Variants in ARHGAP32 observed in about 807,000 individuals in gnomAD.
ARHGAP32 encodes the protein rho GTPase-activating protein 32.
A neutral mutation model predicts 186.5 loss-of-function variants in ARHGAP32; 51 were observed. The ratio of observed to expected loss-of-function variants is 0.27; its 90% CI spans 0.22 to 0.35. The LOEUF (loss-of-function observed/expected upper bound fraction) is 0.35. Among genes scored for constraint, ARHGAP32 ranks in the 10% least tolerant of loss-of-function variants. The pLI, the probability that ARHGAP32 is intolerant of heterozygous loss-of-function variation, is 1.00. For missense variants in ARHGAP32, 2,186 were observed against 2,623.5 expected (o/e 0.83, Z 3.64); for synonymous variants, 950 against 964.3 (o/e 0.99, Z 0.27).
intron 1 of ARHGAP32, among the ~76,000 whole-genome samples, chr11:129,273,588 T>C (rs1336381176): frequency 6.6e-6 from 1 of 152,190 alleles, no homozygotes; most frequent in African/African-American, 2.4e-5. Context: ...TGGTCTGTGT[T>C]TGATATCCTG....
chr11:129,104,276 G>A (rs192513459), intron 5 of ARHGAP32, among the ~76,000 whole-genome samples: 173 of 152,026 alleles, frequency 1.1e-3, no homozygotes, highest in African/African-American at 3.6e-3. Flanking sequence ...TTTATAAATC[G>A]AAACAAATTT....
intron 5 of ARHGAP32, among the ~76,000 whole-genome samples, chr11:129,098,412 C>A (rs74725786): frequency 2.6e-5 from 4 of 151,564 alleles, no homozygotes; most frequent in Admixed American, 6.6e-5. Flanking sequence ...ATTTATTTTT[C>A]TTTTTCTTTT....
At chr11:129,161,984 T>C (rs1943539914) in intron 2 of ARHGAP32, among the ~76,000 whole-genome samples, 2 of 152,148 alleles carry the variant, frequency 1.3e-5, no homozygotes, top group Admixed American at 1.3e-4. Flanking sequence ...AGATGAGTTC[T>C]TGTCCTTTGC....
intron 1 of ARHGAP32, among the ~76,000 whole-genome samples, chr11:129,249,400 T>A (rs1184931216): frequency 6.6e-6 from 1 of 152,198 alleles, no homozygotes; most frequent in Non-Finnish European, 1.5e-5. Flanking sequence ...CGAAAGGATT[T>A]CGCATATCTA....
intron 1 of ARHGAP32, among the ~76,000 whole-genome samples, chr11:129,243,792 T>C (rs1945051345): frequency 6.6e-6 from 1 of 152,076 alleles, no homozygotes; most frequent in Non-Finnish European, 1.5e-5. Flanking sequence ...ATTCTACCAT[T>C]CAAAGCCCAG....
At chr11:129,081,437 G>C (rs1941216384) in intron 6 of ARHGAP32, among the ~76,000 whole-genome samples, 1 of 152,040 alleles carries the variant, frequency 6.6e-6, no homozygotes, top group Admixed American at 6.6e-5. Context: ...TTCATACCAG[G>C]AATGCAGGGG....
At chr11:129,212,030 C>G (rs888313713) in intron 1 of ARHGAP32, among the ~76,000 whole-genome samples, 2 of 152,002 alleles carry the variant, frequency 1.3e-5, no homozygotes, top group Non-Finnish European at 2.9e-5. Flanking sequence ...TGGTGCATGC[C>G]TGCAGTCCCA....
intron 1 of ARHGAP32, among the ~76,000 whole-genome samples, chr11:129,260,278 C>G (rs1338392118): frequency 3.3e-5 from 5 of 152,140 alleles, no homozygotes; most frequent in Non-Finnish European, 7.4e-5. Flanking sequence ...CAAATAACAT[C>G]ACTGGCGGCA....
At chr11:129,006,272 G>C (rs539922956) in intron 11 of ARHGAP32, among the ~76,000 whole-genome samples, 6 of 152,242 alleles carry the variant, frequency 3.9e-5, no homozygotes, top group Admixed American at 1.3e-4. Context: ...GGATGGTCTT[G>C]ATGCTTGTGG....
At chr11:129,110,089 T>C (rs146416529) in intron 5 of ARHGAP32, among the ~76,000 whole-genome samples, 30 of 152,300 alleles carry the variant, frequency 2.0e-4, no homozygotes, top group African/African-American at 6.3e-4. Context: ...TACATTTAAG[T>C]CCTGAATCCA....
At chr11:129,157,431 T>C (rs1256517559) in intron 2 of ARHGAP32, among the ~76,000 whole-genome samples, 1 of 151,792 alleles carries the variant, frequency 6.6e-6, no homozygotes, top group African/African-American at 2.4e-5. Context: ...ATCGTGAAGC[T>C]TACTCAAGTA....
chr11:129,272,053 C>T lies in ARHGAP32; in HGVS notation c.-5+7093G>A, dbSNP rs976021153. ...CATATGATGAGCTCAAATGATCAGG[C>T]TAAAGAATCACTGGTGAAGAAGAAG... is the stretch of plus-strand genomic sequence containing the variant. On this transcript the variant is annotated intron_variant, in intron 1 of 6. Coordinates refer to the ARHGAP32 transcript ENST00000525234. Among the ~76,000 whole-genome samples the T allele has an allele frequency of 2.6e-5, 4 of 152,016 alleles. No individual in the cohort carries two copies. The East Asian group carries it at 7.7e-4, about 29-fold the overall frequency.
intron 1 of ARHGAP32, among the ~76,000 whole-genome samples, chr11:129,178,901 A>G (rs1943983786): frequency 1.3e-5 from 2 of 152,172 alleles, no homozygotes; most frequent in African/African-American, 4.8e-5. Flanking sequence ...TTCATGTCTA[A>G]AACACCAAAA....
chr11:129,090,663 G>A (rs1365256429), intron 6 of ARHGAP32, among the ~76,000 whole-genome samples: 4 of 152,084 alleles, frequency 2.6e-5, no homozygotes. Flanking sequence ...CCACAGATGG[G>A]CTTAAATTTG....
chr11:129,244,780 T>C (rs1194838113), intron 1 of ARHGAP32, among the ~76,000 whole-genome samples: 2 of 152,094 alleles, frequency 1.3e-5, no homozygotes, highest in Non-Finnish European at 2.9e-5. Flanking sequence ...CATCAAAAAG[T>C]GGGCAAAGGA....
intron 1 of ARHGAP32, among the ~76,000 whole-genome samples, chr11:129,270,108 C>G (rs1331821762): frequency 6.7e-6 from 1 of 150,002 alleles, no homozygotes; most frequent in Non-Finnish European, 1.5e-5. Context: ...AACTTAGGAG[C>G]AACTAGGATG....
chr11:129,003,574 T>C lies in ARHGAP32; in HGVS notation c.1046-5106A>G, dbSNP rs183325399. ...TTGATCTCATTATTTGTTATTGGTC[T>C]GTTCAGGTTTTGGATTTCTTCATGG... On this transcript the variant is annotated intron_variant, in intron 11 of 22. Coordinates refer to ENST00000682385, the MANE Select transcript of ARHGAP32 (RefSeq NM_001378024.1). 7.8e-4 allele frequency among the ~76,000 whole-genome samples: 119 copies of C among 152,332 alleles called. 1 individual carries two copies. The highest frequency in any genetic ancestry group is 5.6e-3 in the South Asian group (27 of 4,826).
intron 2 of ARHGAP32, among the ~76,000 whole-genome samples, chr11:129,146,003 T>A (rs966022870): frequency 6.6e-6 from 1 of 152,110 alleles, no homozygotes; most frequent in East Asian, 1.9e-4. Context: ...AATCAATGGT[T>A]ACATTTGTGA....
chr11:129,192,330 G>C (rs1211780819), upstream of ARHGAP32: 2 of 669,454 alleles, frequency 3.0e-6, no homozygotes, highest in Admixed American at 4.9e-5. Context: ...ACTGGTGCTG[G>C]TTTAATTACA....
Sources: gnomAD v4.1 joint callset for allele counts (sites outside exome capture counted in the v4.1 genomes callset) on GRCh38, gnomAD v4.1.1 for gene constraint, MANE v1.5 for transcripts, NCBI Gene and HGNC (gene_info 2026-07-23, HGNC 2026-07-21) for gene names.